Variants in FOXR2 observed in about 807,000 individuals in gnomAD.
FOXR2 encodes forkhead box R2.
For missense variants in FOXR2, 234 were observed against 227.1 expected (o/e 1.03, Z -0.20); for synonymous variants, 109 against 84.1 (o/e 1.30, Z -1.62).
chrX:55,624,334 AC>A lies in FOXR2; in HGVS notation c.628del (p.His210ThrfsTer78), dbSNP rs1304654042. On this transcript the variant is annotated frameshift_variant, in exon 1 of 1. Transcript: ENST00000339140. LOFTEE classifies it low-confidence loss of function (END_TRUNC). ...SHLIALALRN[N>X]PHCGLSVQEI... is the part of the protein sequence containing the mutation. ...CTTATTGCCCTAGCATTAAGAAACA[AC>A]CCCCACTGTGGCCTCAGTGTGCAGG... 2 of 1,210,104 alleles carry A rather than the reference AC, an allele frequency of 1.7e-6. No homozygotes were observed. Among genetic ancestry groups the A allele is most frequent in the Admixed American group, 4.4e-5 (2 of 45,771 alleles).
rs961825438 is a variant in FOXR2, at chrX:55,625,699, G to T, written c.*1052G>T. Reference sequence around the variant, plus strand: ...CTATTAGGTGTTTGGACTTCATCTTGTGGGTTTTTAGGAGCCAAGAGACAT... The same window carrying T: ...CTATTAGGTGTTTGGACTTCATCTTTTGGGTTTTTAGGAGCCAAGAGACAT... On this transcript the variant is annotated 3_prime_UTR_variant, in exon 1 of 1. Transcript: ENST00000339140. Among the ~76,000 whole-genome samples, 13 of 111,044 alleles carry T rather than the reference G, an allele frequency of 1.2e-4. No individual in the cohort carries two copies. The highest frequency in any genetic ancestry group is 4.2e-4 in the African/African-American group (13 of 30,624).
In FOXR2 at chrX:55,624,771, A is replaced by C; in HGVS notation, c.*124A>C. The C allele has an allele frequency of 7.6e-6, 4 of 525,649 alleles. No individual in the cohort carries two copies. In the South Asian group the frequency reaches 9.8e-5, roughly 13 times the overall value. 43.3% of individuals were successfully genotyped at this position (525,649 alleles called of 1,213,427 possible). A position where few individuals can be genotyped will look rare whatever the true frequency, so the allele number is the denominator to read the frequency against. On this transcript the variant is annotated 3_prime_UTR_variant, in exon 1 of 1. Transcript: ENST00000339140. ...AAGTCTGTCTTTAGCTACTGTTACA[A>C]TAATGGTGTTAAGTAAAGTTAGAGG...
Position 55,624,377 on chromosome X carries a change from C to T in FOXR2, c.666C>T (p.Thr222=). ...GTGTGCAGGAGATCTACAATTTCAC[C>T]CGACAGCATTTCCCCTTTTTCTGGA... ...GLSVQEIYNF[T]RQHFPFFWTA... Residue 222 remains threonine (T), a synonymous_variant, in exon 1 of 1, where the codon ACC becomes ACT. Transcript: ENST00000339140. The T allele has an allele frequency of 1.6e-6, 2 of 1,212,146 alleles. No homozygotes were observed. The highest frequency in any genetic ancestry group is 2.2e-6 in the Non-Finnish European group (2 of 895,571).
rs773379471 is a variant in FOXR2, at chrX:55,624,815, A to C, written c.*168A>C. On this transcript the variant is annotated 3_prime_UTR_variant, in exon 1 of 1. Transcript: ENST00000339140. ...TTAGAGGTGGGTACAGGGGAGACAG[A>C]ACTTAAATCCAGGTGGAGAGTCATG... is the stretch of plus-strand genomic sequence containing the variant. 2.4e-6 allele frequency: 1 copy of C among 424,904 alleles called. No homozygotes were observed. The highest frequency in any genetic ancestry group is 2.5e-5 in the African/African-American group (1 of 40,422). The allele number at this position is 424,904 out of a possible 1,213,427, so 35.0% of individuals were successfully genotyped here.
rs762698400 is a variant in FOXR2 at position 55,624,695 on chromosome X, T to G, written c.*48T>G. 4.1e-6 allele frequency: 4 copies of G among 980,361 alleles called. No homozygotes were observed. The highest frequency in any genetic ancestry group is 5.7e-6 in the Non-Finnish European group (4 of 704,026). The allele number at this position is 980,361 out of a possible 1,213,427, so 80.8% of individuals were successfully genotyped here. On this transcript the variant is annotated 3_prime_UTR_variant, in exon 1 of 1. Coordinates refer to ENST00000339140, the MANE Select transcript of FOXR2 (RefSeq NM_198451.4). ...ACACTGCCTTCCTTACTGTGCCTAC[T>G]TATCCCCTGACATTCATTAATCTCT...
Position 55,624,654 on chromosome X carries a change from A to T in FOXR2, c.*7A>T. On this transcript the variant is annotated 3_prime_UTR_variant, in exon 1 of 1. Transcript: ENST00000339140. ...CTCTCTCTTTGATCTTTGAAATGCC[A>T]TTGCTCCCTTTTGGAACACTGCCTT... The T allele has an allele frequency of 8.6e-7, 1 of 1,168,922 alleles. No homozygotes were observed. The highest frequency in any genetic ancestry group is 1.2e-6 in the Non-Finnish European group (1 of 860,549).
Position 55,625,587 on chromosome X carries a change from T to C in FOXR2, c.*940T>C, listed in dbSNP as rs1478858012. On this transcript the variant is annotated 3_prime_UTR_variant, in exon 1 of 1. Transcript: ENST00000339140. Reference sequence around the variant, plus strand: ...TAGAGGCATTACAGAGACAACAATGTGAACAAAGTGGATGGAGTGTTTGGG... The same window carrying C: ...TAGAGGCATTACAGAGACAACAATGCGAACAAAGTGGATGGAGTGTTTGGG... Among the ~76,000 whole-genome samples, 1 of 111,356 alleles carries C rather than the reference T, an allele frequency of 9.0e-6. No homozygotes were observed. The highest frequency in any genetic ancestry group is 1.9e-5 in the Non-Finnish European group (1 of 53,091).
In FOXR2 at chrX:55,624,457, G is replaced by A. The variant is rs1171170814; in HGVS notation, c.746G>A (p.Ser249Asn). 8.3e-7 allele frequency: 1 copy of A among 1,211,872 alleles called. No homozygotes were observed. Among genetic ancestry groups the A allele is most frequent in the Non-Finnish European group, 1.1e-6 (1 of 895,490 alleles). The change falls in exon 1 of 1, where the codon AGC (serine) becomes AAC (asparagine). Residue 249 changes from serine to asparagine, a missense_variant. Ser to Asn is a conservative substitution (Grantham distance 46). Coordinates refer to ENST00000339140, the MANE Select transcript of FOXR2 (RefSeq NM_198451.4). The stretch of plus-strand genomic sequence containing the variant: ...CATTACAACCTCTGCTTCCTGGACA[G>A]CTTTGAGAAGGTGCCAGACAGCCTT... ...TIHYNLCFLD[S>N]FEKVPDSLKD... is the part of the protein sequence containing the mutation.
Position 55,625,293 on chromosome X carries a change from A to G in FOXR2, c.*646A>G, listed in dbSNP as rs2032331931. 1 of 122,875 alleles carries G rather than the reference A, an allele frequency of 8.1e-6. No homozygotes were observed. 10.1% of individuals were successfully genotyped at this position (122,875 alleles called of 1,213,427 possible). ...GTGAAATATTCCTGTATTAACCCCA[A>G]GCCTTTTGATGATAAAGCTTTATTT... On this transcript the variant is annotated 3_prime_UTR_variant, in exon 1 of 1. Transcript: ENST00000339140.
rs750874514 is a variant in FOXR2, at chrX:55,623,875, A to C, written c.164A>C (p.Lys55Thr). The change falls in exon 1 of 1, where the codon AAG becomes ACG. Residue 55 changes from lysine (K) to threonine (T), a missense_variant. Coordinates refer to ENST00000339140, the MANE Select transcript of FOXR2 (RefSeq NM_198451.4). The stretch of plus-strand genomic sequence containing the variant: ...GCCAAATACAGAGTCGGAGTAATGA[A>C]GCCCCCAGAAATGCCTCAGAAGAGG... ...ILAKYRVGVM[K>T]PPEMPQKRRP... 2.8e-5 allele frequency: 34 copies of C among 1,209,731 alleles called. No homozygotes were observed. The highest frequency in any genetic ancestry group is 3.8e-5 in the Non-Finnish European group (34 of 895,214).
Position 55,623,463 on chromosome X carries a change from C to G in FOXR2, c.-249C>G. 3.3e-6 allele frequency: 1 copy of G among 301,339 alleles called. No individual in the cohort carries two copies. The highest frequency in any genetic ancestry group is 2.7e-5 in the African/African-American group (1 of 37,087). 24.8% of individuals were successfully genotyped at this position (301,339 alleles called of 1,213,427 possible). A position where few individuals can be genotyped will look rare whatever the true frequency, so the allele number is the denominator to read the frequency against. On this transcript the variant is annotated 5_prime_UTR_variant, in exon 1 of 1. Coordinates refer to ENST00000339140, the MANE Select transcript of FOXR2 (RefSeq NM_198451.4). ...AAGAATTCCACCTAAAAATGTTTTT[C>G]TGCTCAAAAGCTCTTTTTTATTACT...
Position 55,624,158 on chromosome X carries a change from C to T in FOXR2, c.447C>T (p.Pro149=). 1 of 1,211,886 alleles carries T rather than the reference C, an allele frequency of 8.3e-7. No homozygotes were observed. Among genetic ancestry groups the T allele is most frequent in the East Asian group, 3.0e-5 (1 of 33,847 alleles). Residue 149 remains proline, a synonymous_variant, in exon 1 of 1, where the codon CCC becomes CCT. Transcript: ENST00000339140. ...SPLQKQGIHS[P]SDFELTEEEA... is the part of the protein sequence containing the mutation. ...TACAGAAGCAGGGTATCCATTCCCCCAGTGACTTTGAGCTCACAGAAGAGG... is the reference window on the plus strand; with the variant it reads ...TACAGAAGCAGGGTATCCATTCCCCTAGTGACTTTGAGCTCACAGAAGAGG...
Position 55,623,558 on chromosome X carries a change from G to T in FOXR2, c.-154G>T, listed in dbSNP as rs1394931673. On this transcript the variant is annotated 5_prime_UTR_variant, in exon 1 of 1. Transcript: ENST00000339140. ...TCTGACCACTAATCAGTGAGACATT[G>T]GTGCCTCTTTCTTCAGTGCTTCTAG... is the stretch of plus-strand genomic sequence containing the variant. 1.2e-5 allele frequency: 5 copies of T among 403,002 alleles called. No individual in the cohort carries two copies. The highest frequency in any genetic ancestry group is 2.2e-5 in the Non-Finnish European group (5 of 231,462). 33.2% of individuals were successfully genotyped at this position (403,002 alleles called of 1,213,427 possible).
Position 55,623,916 on chromosome X carries a change from G to A in FOXR2, c.205G>A (p.Gly69Arg). 1 of 1,211,371 alleles carries A rather than the reference G, an allele frequency of 8.3e-7. No homozygotes were observed. The highest frequency in any genetic ancestry group is 1.1e-6 in the Non-Finnish European group (1 of 895,147). Residue 69 changes from glycine to arginine, a missense_variant, in exon 1 of 1, where the codon GGA becomes AGA. Gly to Arg is a moderately radical substitution (Grantham distance 125, BLOSUM62 -2). Transcript: ENST00000339140. ...MPQKRRPSPD[G>R]DGPPCEPNLW... Reference sequence around the variant, plus strand: ...TCAGAAGAGGAGACCCAGTCCTGATGGAGATGGTCCTCCCTGTGAACCCAA... The same window carrying A: ...TCAGAAGAGGAGACCCAGTCCTGATAGAGATGGTCCTCCCTGTGAACCCAA...
rs374639616 is a variant in FOXR2, at chrX:55,624,628, C to T, written c.917C>T (p.Thr306Ile). 9.9e-4 allele frequency: 1,187 copies of T among 1,201,622 alleles called. 10 individuals are homozygous for T. In the South Asian group the frequency reaches 0.02, roughly 20 times the overall value. The stretch of plus-strand genomic sequence containing the variant: ...TGCATGAGTCAGCCAGAGTTGTTGA[C>T]CTCTCTCTTTGATCTTTGAAATGCC... ...QECMSQPELL[T>I]SLFDL Residue 306 changes from threonine (T) to isoleucine (I), a missense_variant, in exon 1 of 1, where the codon ACC becomes ATC. Transcript: ENST00000339140.
In FOXR2 at chrX:55,623,910, C is replaced by T. The variant is rs142979047; in HGVS notation, c.199C>T (p.Pro67Ser). 8.3e-7 allele frequency: 1 copy of T among 1,211,106 alleles called. No homozygotes were observed. ...AATGCCTCAGAAGAGGAGACCCAGT[C>T]CTGATGGAGATGGTCCTCCCTGTGA... is the stretch of plus-strand genomic sequence containing the variant. Reference protein sequence around the residue: ...PEMPQKRRPSPDGDGPPCEPN... With the variant: ...PEMPQKRRPSSDGDGPPCEPN... The change falls in exon 1 of 1, where the codon CCT (proline) becomes TCT (serine). Residue 67 changes from proline (P) to serine (S), a missense_variant. Coordinates refer to ENST00000339140, the MANE Select transcript of FOXR2 (RefSeq NM_198451.4).
chrX:55,624,978 T>TC lies in FOXR2; in HGVS notation c.*332dup. 4.5e-6 allele frequency: 1 copy of TC among 222,323 alleles called. No individual in the cohort carries two copies. The highest frequency in any genetic ancestry group is 8.6e-6 in the Non-Finnish European group (1 of 115,720). The allele number at this position is 222,323 out of a possible 1,213,427, so 18.3% of individuals were successfully genotyped here. ...GGAATTTTGTTTATAGAGAGTATTT[T>TC]CACACATGAAAGTGAACAGTGGAAT... On this transcript the variant is annotated 3_prime_UTR_variant, in exon 1 of 1. Coordinates refer to ENST00000339140, the MANE Select transcript of FOXR2 (RefSeq NM_198451.4).
In FOXR2 at chrX:55,623,488, T is replaced by C. The variant is rs1041282340; in HGVS notation, c.-224T>C. On this transcript the variant is annotated 5_prime_UTR_variant, in exon 1 of 1. Transcript: ENST00000339140. ...CTGCTCAAAAGCTCTTTTTTATTAC[T>C]TCCATGTTTTGAGCCTTGTTCCAGA... 2 of 308,185 alleles carry C rather than the reference T, an allele frequency of 6.5e-6. No homozygotes were observed. Among genetic ancestry groups the C allele is most frequent in the African/African-American group, 5.4e-5 (2 of 36,802 alleles). The allele number at this position is 308,185 out of a possible 1,213,427, so 25.4% of individuals were successfully genotyped here. A position where few individuals can be genotyped will look rare whatever the true frequency, so the allele number is the denominator to read the frequency against.
rs988642077 is a variant in FOXR2, at chrX:55,625,357, G to A, written c.*710G>A. The A allele has an allele frequency of 4.2e-5, 5 of 119,749 alleles. No individual in the cohort carries two copies. Among genetic ancestry groups the A allele is most frequent in the African/African-American group, 1.6e-4 (5 of 30,665 alleles). The allele number at this position is 119,749 out of a possible 1,213,427, so 9.9% of individuals were successfully genotyped here. A position where few individuals can be genotyped will look rare whatever the true frequency, so the allele number is the denominator to read the frequency against. ...GTTCTCAAGATTTTATTGAGGATAT[G>A]CTAATGTGTCAAGGTCCATCTTAGA... On this transcript the variant is annotated 3_prime_UTR_variant, in exon 1 of 1. Coordinates refer to ENST00000339140, the MANE Select transcript of FOXR2 (RefSeq NM_198451.4).
Sources: allele counts gnomAD v4.1 joint callset (sites outside exome capture counted in the v4.1 genomes callset), GRCh38; gene constraint gnomAD v4.1.1; transcripts MANE v1.5; gene names NCBI Gene and HGNC (gene_info 2026-07-23, HGNC 2026-07-21).